Variants in LDLRAD3 observed in about 807,000 individuals in gnomAD.
LDLRAD3 encodes the protein low density lipoprotein receptor class A domain containing 3.
In LDLRAD3, 20 loss-of-function variants were observed where a neutral mutation model predicts 29.4. That is an observed-to-expected ratio of 0.68 (90% CI 0.48 to 0.99). LDLRAD3 has a LOEUF of 0.99. LDLRAD3 is among the 50% of genes least tolerant of loss of function. The pLI, the probability that LDLRAD3 is intolerant of heterozygous loss-of-function variation, is 0.00. For missense variants in LDLRAD3, 420 were observed against 454.3 expected (o/e 0.92, Z 0.69); for synonymous variants, 157 against 192.7 (o/e 0.81, Z 1.53).
chr11:36,191,574 CTCTATATATA>C (rs1381372690), intron 4 of LDLRAD3, among the ~76,000 whole-genome samples: 4 of 67,854 alleles, frequency 5.9e-5, no homozygotes, highest in African/African-American at 2.1e-4. Context: ...CTCTCTCTCT[CTCTATATATA>C]TATATATATA....
At chr11:35,985,538 G>A (rs1456881608) in intron 1 of LDLRAD3, among the ~76,000 whole-genome samples, 1 of 152,084 alleles carries the variant, frequency 6.6e-6, no homozygotes. Flanking sequence ...GAGATACTTT[G>A]GTGAATTATA....
intron 1 of LDLRAD3, among the ~76,000 whole-genome samples, chr11:36,031,149 G>C (rs1021748713): frequency 1.3e-5 from 2 of 152,048 alleles, no homozygotes; most frequent in Non-Finnish European, 2.9e-5. Context: ...AGTGAAAATG[G>C]GCAACTCTTT....
intron 1 of LDLRAD3, among the ~76,000 whole-genome samples, chr11:35,953,476 A>G (rs750783354): frequency 6.6e-6 from 1 of 152,180 alleles, no homozygotes; most frequent in Non-Finnish European, 1.5e-5. Flanking sequence ...CCTTCTCATT[A>G]TTATAAGACC....
At chr11:36,060,471 C>G (rs1852682320) in intron 2 of LDLRAD3, among the ~76,000 whole-genome samples, 1 of 151,946 alleles carries the variant, frequency 6.6e-6, no homozygotes, top group African/African-American at 2.4e-5. Flanking sequence ...AGTTGTTGCT[C>G]TTAATCACCC....
rs372710536 is a variant in LDLRAD3, at chr11:36,227,244, C to G, written c.614C>G (p.Thr205Arg). Residue 205 changes from threonine to arginine, a missense_variant, in exon 5 of 6, where the codon ACG (threonine) becomes AGG (arginine). By Grantham distance (71) the Thr-to-Arg change is moderately conservative. Coordinates refer to ENST00000315571, the MANE Select transcript of LDLRAD3 (RefSeq NM_174902.4). ...HHQRKRNNLM[T>R]LPVHRLQHPV... The stretch of plus-strand genomic sequence containing the variant: ...CAGCGGAAGCGGAACAACCTCATGA[C>G]GCTGCCCGTGCACCGGCTGCAGCAC... 1.2e-6 allele frequency: 2 copies of G among 1,614,080 alleles called. No homozygotes were observed. The highest frequency in any genetic ancestry group is 1.7e-6 in the Non-Finnish European group (2 of 1,180,044).
At chr11:36,033,218 G>A (rs1313426234) in intron 1 of LDLRAD3, among the ~76,000 whole-genome samples, 1 of 152,100 alleles carries the variant, frequency 6.6e-6, no homozygotes, top group African/African-American at 2.4e-5. Context: ...TAAAGCACAC[G>A]GCTGTGCACC....
At chr11:36,202,097 T>C (rs918560843) in intron 4 of LDLRAD3, among the ~76,000 whole-genome samples, 1 of 150,024 alleles carries the variant, frequency 6.7e-6, no homozygotes, top group African/African-American at 2.5e-5. Context: ...TAGGCTGTAG[T>C]GCAATGGCAG....
chr11:36,227,444 G>C lies in LDLRAD3; in HGVS notation c.800+14G>C, dbSNP rs769360706. 1 of 1,527,130 alleles carries C rather than the reference G, an allele frequency of 6.5e-7. No homozygotes were observed. Among genetic ancestry groups the C allele is most frequent in the Non-Finnish European group, 8.8e-7 (1 of 1,135,558 alleles). The allele number at this position is 1,527,130 out of a possible 1,614,324, so 94.6% of individuals were successfully genotyped here. On this transcript the variant is annotated intron_variant, in intron 5 of 5. Coordinates refer to ENST00000315571, the MANE Select transcript of LDLRAD3 (RefSeq NM_174902.4). ...GCTGGACCAGAGGTGTGTGCTGGAT[G>C]GAAGAGATTGAGGCGGGAGAGGTCA...
intron 4 of LDLRAD3, among the ~76,000 whole-genome samples, chr11:36,206,162 T>C (rs1855205145): frequency 1.3e-5 from 2 of 152,244 alleles, no homozygotes; most frequent in African/African-American, 4.8e-5. Flanking sequence ...CATTCATTCT[T>C]GAAATATCGA....
At chr11:36,164,975 A>C (rs1854493758) in intron 4 of LDLRAD3, among the ~76,000 whole-genome samples, 1 of 152,224 alleles carries the variant, frequency 6.6e-6, no homozygotes, top group Admixed American at 6.5e-5. Context: ...ATAAAAGTAC[A>C]TATACTCATT....
intron 2 of LDLRAD3, among the ~76,000 whole-genome samples, chr11:36,076,641 C>G (rs1287691508): frequency 1.3e-5 from 2 of 152,194 alleles, no homozygotes; most frequent in East Asian, 3.9e-4. Flanking sequence ...CCACCTCGGC[C>G]TCCCAAAGTG....
chr11:36,127,860 T>C (rs1853860364), intron 4 of LDLRAD3, among the ~76,000 whole-genome samples: 1 of 152,012 alleles, frequency 6.6e-6, no homozygotes, highest in Admixed American at 6.6e-5. Context: ...GTATTGTATT[T>C]TTTGTTCTTC....
intron 1 of LDLRAD3, among the ~76,000 whole-genome samples, chr11:35,957,391 CA>C (rs1275580896): frequency 6.6e-6 from 1 of 152,210 alleles, no homozygotes; most frequent in Non-Finnish European, 1.5e-5. Context: ...TGCTGCCTCA[CA>C]GCTTATATCC....
intron 2 of LDLRAD3, among the ~76,000 whole-genome samples, chr11:36,052,968 A>ATTTT (rs10711575): frequency 6.8e-6 from 1 of 147,346 alleles, no homozygotes; most frequent in African/African-American, 2.5e-5. Context: ...TTGAGGTCTG[A>ATTTT]TTTTTTTTTT....
intron 3 of LDLRAD3, among the ~76,000 whole-genome samples, chr11:36,083,735 TACACACACACACACAC>T (rs59333454): frequency 1.6e-3 from 202 of 126,894 alleles, no homozygotes; most frequent in Middle Eastern, 8.5e-3. Context: ...AGGGAGAAAT[TACACACACACACACAC>T]ACACACACAC....
chr11:36,021,983 C>A (rs543960902), intron 1 of LDLRAD3, among the ~76,000 whole-genome samples: 1 of 152,154 alleles, frequency 6.6e-6, no homozygotes, highest in Non-Finnish European at 1.5e-5. Context: ...ATGGTCTCAG[C>A]GTTCACCAGG....
chr11:36,115,276 C>A (rs888798883), intron 4 of LDLRAD3, among the ~76,000 whole-genome samples: 1 of 152,192 alleles, frequency 6.6e-6, no homozygotes, highest in Non-Finnish European at 1.5e-5. Flanking sequence ...AATTCCTAAA[C>A]CATAGAAACT....
At chr11:36,196,624 G>C (rs948455037) in intron 4 of LDLRAD3, 18 of 152,184 alleles carry the variant, frequency 1.2e-4, no homozygotes, top group Non-Finnish European at 4.4e-5. Context: ...GTTTTACCCT[G>C]GAGAATTCAT....
chr11:36,086,757 T>G (rs1174629054), intron 3 of LDLRAD3, among the ~76,000 whole-genome samples: 1 of 152,206 alleles, frequency 6.6e-6, no homozygotes, highest in Non-Finnish European at 1.5e-5. Context: ...TTTGGTCTTA[T>G]TCTCCATTTG....
Sources: allele counts gnomAD v4.1 joint callset (sites outside exome capture counted in the v4.1 genomes callset), GRCh38; gene constraint gnomAD v4.1.1; transcripts MANE v1.5; gene names NCBI Gene and HGNC (gene_info 2026-07-23, HGNC 2026-07-21).